DAB2: variants seen among roughly 807,000 people sequenced by gnomAD.
The protein encoded by DAB2 is DAB adaptor protein 2, also known as disabled homolog 2.
Under a neutral mutation model 71.6 loss-of-function variants are expected in DAB2, and 28 were observed. The observed-to-expected ratio is 0.39, with a 90% confidence interval of 0.29 to 0.54. The LOEUF (loss-of-function observed/expected upper bound fraction) is 0.54, where lower values mean the gene tolerates loss of function less well. Among genes scored for constraint, DAB2 ranks in the 20% least tolerant of loss-of-function variants. DAB2 has a pLI of 0.68. For synonymous variants in DAB2, 345 were observed against 339.7 expected (o/e 1.02, Z -0.17); for missense variants, 867 against 928.8 (o/e 0.93, Z 0.86).
Position 39,395,937 on chromosome 5 carries a change from C to CTTTTTTTTTTTTT in DAB2, c.-101-1529_-101-1517dup, listed in dbSNP as rs3024228. 2.4e-3 allele frequency among the ~76,000 whole-genome samples: 178 copies of CTTTTTTTTTTTTT among 74,852 alleles called. 38 individuals are homozygous for CTTTTTTTTTTTTT. Among genetic ancestry groups the CTTTTTTTTTTTTT allele is most frequent in the African/African-American group, 3.3e-3 (59 of 17,992 alleles). 49.1% of individuals were successfully genotyped at this position (74,852 alleles called of 152,430 possible). A position where few individuals can be genotyped will look rare whatever the true frequency, so the allele number is the denominator to read the frequency against. On this transcript the variant is annotated intron_variant, in intron 1 of 14. Coordinates refer to ENST00000320816, the MANE Select transcript of DAB2 (RefSeq NM_001343.4). Reference sequence around the variant, plus strand: ...GAGGGAAGGCTAAGACACAGATATTCTTTTTTTTTTTTTTTTTTTTTTTGA... The same window carrying CTTTTTTTTTTTTT: ...GAGGGAAGGCTAAGACACAGATATTCTTTTTTTTTTTTTTTTTTTTTTTTTTTTTTTTTTTTGA...
At chr5:39,390,897 C>T (rs1755211738) in intron 4 of DAB2, among the ~76,000 whole-genome samples, 1 of 152,104 alleles carries the variant, frequency 6.6e-6, no homozygotes, top group Non-Finnish European at 1.5e-5. Flanking sequence ...GACATTTAGC[C>T]CTTAAGCCAA....
chr5:39,412,928 T>C (rs768780720), intron 1 of DAB2, among the ~76,000 whole-genome samples: 10 of 152,190 alleles, frequency 6.6e-5, no homozygotes, highest in African/African-American at 2.4e-4. Flanking sequence ...GAGGAACTAA[T>C]AGCAATGCGT....
chr5:39,414,668 G>C (rs962150420), intron 1 of DAB2, among the ~76,000 whole-genome samples: 6 of 140,882 alleles, frequency 4.3e-5, no homozygotes, highest in Non-Finnish European at 7.7e-5. Context: ...TAAACTAGAA[G>C]AACATATGGA....
chr5:39,398,007 A>T lies in DAB2; in HGVS notation c.-101-3586T>A, dbSNP rs565172053. ...TGCATGTGTTGATAGCAGCAGCAAG[A>T]TGGCCCAGAACTGGGTTAGAATCAC... On this transcript the variant is annotated intron_variant, in intron 1 of 14. Coordinates refer to ENST00000320816, the MANE Select transcript of DAB2 (RefSeq NM_001343.4). 2.0e-5 allele frequency among the ~76,000 whole-genome samples: 3 copies of T among 152,332 alleles called. No individual in the cohort carries two copies. In the East Asian group the frequency reaches 5.8e-4, roughly 29 times the overall value.
intron 1 of DAB2, among the ~76,000 whole-genome samples, chr5:39,423,023 A>G (rs962403424): frequency 6.6e-6 from 1 of 152,170 alleles, no homozygotes; most frequent in African/African-American, 2.4e-5. Context: ...TGGCAAATAC[A>G]TACGTGTATG....
chr5:39,407,783 G>A (rs1221192157), intron 1 of DAB2, among the ~76,000 whole-genome samples: 1 of 152,136 alleles, frequency 6.6e-6, no homozygotes, highest in Non-Finnish European at 1.5e-5. Flanking sequence ...GAAACTCTAT[G>A]CGGATGTTAG....
At chr5:39,398,216 T>G (rs1755412916) in intron 1 of DAB2, among the ~76,000 whole-genome samples, 1 of 152,104 alleles carries the variant, frequency 6.6e-6, no homozygotes, top group African/African-American at 2.4e-5. Context: ...TTTGAGGGGT[T>G]TTGGGGGAGG....
chr5:39,393,082 T>A (rs996200210), intron 3 of DAB2, among the ~76,000 whole-genome samples, 172 bp downstream of exon 3: 2 of 152,186 alleles, frequency 1.3e-5, no homozygotes, highest in Non-Finnish European at 2.9e-5. Context: ...AGGACATCCC[T>A]CCAAATATGC....
Position 39,376,665 on chromosome 5 carries a change from A to G in DAB2, c.2122T>C (p.Leu708=). 1 of 1,613,996 alleles carries G rather than the reference A, an allele frequency of 6.2e-7. No homozygotes were observed. The highest frequency in any genetic ancestry group is 1.7e-4 in the Middle Eastern group (1 of 6,056). The change falls in exon 12 of 15, where the codon TTG becomes CTG. Residue 708 remains leucine, a synonymous_variant. Coordinates refer to ENST00000320816, the MANE Select transcript of DAB2 (RefSeq NM_001343.4). ...AGTGGCTTACCATTGATCTTGTTCAATAGTTGATTAGCATCAAAGTCATCA... is the reference window on the plus strand; with the variant it reads ...AGTGGCTTACCATTGATCTTGTTCAGTAGTTGATTAGCATCAAAGTCATCA... The part of the protein sequence containing the change: ...DHDDFDANQL[L]NKINEPPKPA...
chr5:39,392,246 T>G (rs1755248424), intron 4 of DAB2, 119 bp downstream of exon 4: 1 of 737,064 alleles, frequency 1.4e-6, no homozygotes, highest in Non-Finnish European at 2.5e-6. Context: ...AGATGTAATA[T>G]ATGATATATT....
rs1159397662 is a variant in DAB2, at chr5:39,422,089, A to AAAACC, written c.-102+2714_-102+2715insGGTTT. On this transcript the variant is annotated intron_variant, in intron 1 of 14. Coordinates refer to ENST00000320816, the MANE Select transcript of DAB2 (RefSeq NM_001343.4). The surrounding 1 kb of genome is among the most constrained non-coding windows in gnomAD (Gnocchi z 4.1). ...TGTCTCAAACAAAACAAAACAAAAC[A>AAAACC]AAACAAAAATCTGTTTCACCTAAAT... Among the ~76,000 whole-genome samples, 1 of 152,102 alleles carries AAAACC rather than the reference A, an allele frequency of 6.6e-6. No individual in the cohort carries two copies. Among genetic ancestry groups the AAAACC allele is most frequent in the Non-Finnish European group, 1.5e-5 (1 of 68,024 alleles).
intron 11 of DAB2, 94 bp downstream of exon 11, chr5:39,381,360 A>G: frequency 7.6e-7 from 1 of 1,321,528 alleles, no homozygotes; most frequent in Non-Finnish European, 1.0e-6. Flanking sequence ...TTATGCTGTA[A>G]AACCCTCTGG....
chr5:39,416,557 C>G (rs185261092), intron 1 of DAB2, among the ~76,000 whole-genome samples: 1 of 152,138 alleles, frequency 6.6e-6, no homozygotes, highest in Non-Finnish European at 1.5e-5. Flanking sequence ...TTCTGTTTCC[C>G]CTAAACAGAC....
In DAB2 at chr5:39,393,398, G is replaced by A; in HGVS notation, c.92-5C>T. On this transcript the variant is annotated splice_polypyrimidine_tract_variant and splice_region_variant and intron_variant, in intron 2 of 14. Coordinates refer to ENST00000320816, the MANE Select transcript of DAB2 (RefSeq NM_001343.4). Reference sequence around the variant, plus strand: ...ATTCATCTGTCTTTTCAGGGCCTGAGAAAAGAAAGGAATACAGGATGAAGA... The same window carrying A: ...ATTCATCTGTCTTTTCAGGGCCTGAAAAAAGAAAGGAATACAGGATGAAGA... 6.2e-7 allele frequency: 1 copy of A among 1,613,544 alleles called. No individual in the cohort carries two copies.
intron 1 of DAB2, among the ~76,000 whole-genome samples, chr5:39,406,574 G>T (rs1203623882): frequency 2.0e-5 from 3 of 152,170 alleles, no homozygotes; most frequent in African/African-American, 4.8e-5. Context: ...GGAAGGCTTG[G>T]TATTTCTAGT....
chr5:39,386,920 A>G (rs1258153849), intron 9 of DAB2, among the ~76,000 whole-genome samples: 1 of 152,238 alleles, frequency 6.6e-6, no homozygotes, highest in African/African-American at 2.4e-5. Flanking sequence ...CTGTCAGGAT[A>G]ATCTAGTCTA....
chr5:39,424,922 C>G lies in DAB2; in HGVS notation c.-220G>C, dbSNP rs978932433. ...TAGCCGCCGGCCGGGAGCTTCGGAGCCGCGCGGCCACTCCCGGCGAGAGAT... is the reference window on the plus strand; with the variant it reads ...TAGCCGCCGGCCGGGAGCTTCGGAGGCGCGCGGCCACTCCCGGCGAGAGAT... On this transcript the variant is annotated 5_prime_UTR_variant, in exon 1 of 15. Transcript: ENST00000320816. The G allele has an allele frequency of 5.9e-5, 9 of 152,584 alleles. No homozygotes were observed. The highest frequency in any genetic ancestry group is 2.2e-4 in the African/African-American group (9 of 41,536). The allele number at this position is 152,584 out of a possible 1,614,324, so 9.5% of individuals were successfully genotyped here.
chr5:39,392,204 C>G (rs1337912166), intron 4 of DAB2, 161 bp downstream of exon 4: 1 of 651,036 alleles, frequency 1.5e-6, no homozygotes, highest in South Asian at 1.7e-5. Flanking sequence ...TGACTTTTAC[C>G]TCCTATTCTG....
At chr5:39,416,059 ATTTT>A (rs991319319) in intron 1 of DAB2, among the ~76,000 whole-genome samples, 1 of 145,622 alleles carries the variant, frequency 6.9e-6, no homozygotes, top group Non-Finnish European at 1.5e-5. Flanking sequence ...TCCCCATCAT[ATTTT>A]TTTTTTTACT....
Sources: gnomAD v4.1 joint callset for allele counts (sites outside exome capture counted in the v4.1 genomes callset) on GRCh38, gnomAD v4.1.1 for gene constraint, Gnocchi (gnomAD v3.1) non-coding constraint, MANE v1.5 for transcripts, NCBI Gene and HGNC (gene_info 2026-07-23, HGNC 2026-07-21) for gene names.